The following NREP variants were observed in gnomAD, a reference collection of about 807,000 sequenced individuals.
NREP encodes the protein neuronal regeneration related protein, also known as neuronal regeneration-related protein.
A neutral mutation model predicts 8.6 loss-of-function variants in NREP; 5 were observed. The ratio of observed to expected loss-of-function variants is 0.58; its 90% CI spans 0.30 to 1.22. The LOEUF is 1.22. Ranked by LOEUF, NREP falls within the 50% of genes most tolerant of loss-of-function variation. The pLI is 0.07. For synonymous variants in NREP, 27 were observed against 28.0 expected (o/e 0.96, Z 0.11); for missense variants, 86 against 82.5 (o/e 1.04, Z -0.17).
chr5:111,882,339 T>C (rs987733051), intron 2 of NREP, among the ~76,000 whole-genome samples: 3 of 152,120 alleles, frequency 2.0e-5, no homozygotes, highest in African/African-American at 4.8e-5. Context: ...GTGAAAAGAC[T>C]GAATCTACGT....
intron 1 of NREP, chr5:111,756,304 A>G: frequency 1.1e-6 from 1 of 891,970 alleles, no homozygotes; most frequent in Non-Finnish European, 1.3e-6. Flanking sequence ...TTTAAAAAAA[A>G]AAAAAAAACC....
intron 2 of NREP, among the ~76,000 whole-genome samples, chr5:111,927,363 G>A (rs939651620): frequency 2.6e-5 from 4 of 152,058 alleles, no homozygotes; most frequent in Non-Finnish European, 1.5e-5. Context: ...ATCCAAAAAA[G>A]AATGACCAGT....
chr5:111,827,027 AATAG>A (rs1257172089), intron 2 of NREP, among the ~76,000 whole-genome samples: 4 of 152,210 alleles, frequency 2.6e-5, no homozygotes, highest in African/African-American at 9.7e-5. Context: ...AAAATTGGCA[AATAG>A]ATATTTTCTT....
chr5:111,950,522 GCAA>G (rs1756126145), intron 2 of NREP, among the ~76,000 whole-genome samples: 1 of 152,046 alleles, frequency 6.6e-6, no homozygotes, highest in African/African-American at 2.4e-5. Flanking sequence ...AAAAGCAATG[GCAA>G]CAAAGGCCAA....
At chr5:111,752,355 C>G (rs59770586) in intron 2 of NREP, among the ~76,000 whole-genome samples, 2 of 152,164 alleles carry the variant, frequency 1.3e-5, no homozygotes, top group African/African-American at 4.8e-5. Flanking sequence ...ATTCCCAATT[C>G]TCTCCCTCAC....
At chr5:111,952,351 C>T (rs887380731) in intron 2 of NREP, among the ~76,000 whole-genome samples, 2 of 152,100 alleles carry the variant, frequency 1.3e-5, no homozygotes, top group African/African-American at 4.8e-5. Flanking sequence ...GGGTGATGTT[C>T]CCTGTCAAGG....
At position 111,964,830 on chromosome 5, in the gene NREP, A is replaced by C. The variant is rs1266711582; in HGVS notation, c.135+10444T>G. Among the ~76,000 whole-genome samples the C allele has an allele frequency of 2.2e-5, 3 of 137,534 alleles. No homozygotes were observed. The East Asian group carries it at 7.1e-4, about 33-fold the overall frequency. The allele number at this position is 137,534 out of a possible 152,430, so 90.2% of individuals were successfully genotyped here. A position where few individuals can be genotyped will look rare whatever the true frequency, so the allele number is the denominator to read the frequency against. ...TTTCTAGGTTGTGGAAGGTGCACAT[A>C]GTCTACTTAGAATGCTTTCAGCAGC... is the stretch of plus-strand genomic sequence containing the variant. On this transcript the variant is annotated intron_variant, in intron 2 of 3. Coordinates refer to the NREP transcript ENST00000395634.
At chr5:111,944,914 A>T (rs1198958422) in intron 2 of NREP, among the ~76,000 whole-genome samples, 1 of 152,072 alleles carries the variant, frequency 6.6e-6, no homozygotes, top group Non-Finnish European at 1.5e-5. Flanking sequence ...TGTTTTAGTC[A>T]TAGGTGCTTA....
At chr5:111,794,721 T>TGAAAATA (rs1751836924) in intron 2 of NREP, among the ~76,000 whole-genome samples, 1 of 152,154 alleles carries the variant, frequency 6.6e-6, no homozygotes, top group South Asian at 2.1e-4. Context: ...TTTAGGACTG[T>TGAAAATA]GAAAATACTC....
At chr5:111,776,816 A>C (rs1466732797) in intron 2 of NREP, among the ~76,000 whole-genome samples, 1 of 152,200 alleles carries the variant, frequency 6.6e-6, no homozygotes, top group Non-Finnish European at 1.5e-5. Flanking sequence ...GACCATTCTA[A>C]AGTGATGGAA....
chr5:111,969,890 T>A (rs948067394), intron 2 of NREP, among the ~76,000 whole-genome samples: 1 of 152,168 alleles, frequency 6.6e-6, no homozygotes, highest in African/African-American at 2.4e-5. Flanking sequence ...TGGGGACTAG[T>A]GAAGGAAAGT....
At chr5:111,921,453 T>C (rs959618447) in intron 2 of NREP, among the ~76,000 whole-genome samples, 21 of 152,138 alleles carry the variant, frequency 1.4e-4, no homozygotes, top group Non-Finnish European at 2.9e-5. Flanking sequence ...TTACTCTCCC[T>C]GATTAGTTGA....
chr5:111,887,272 T>C (rs565856757), intron 2 of NREP, among the ~76,000 whole-genome samples: 1 of 152,324 alleles, frequency 6.6e-6, no homozygotes, highest in Admixed American at 6.5e-5. Flanking sequence ...TTGGTTTCTA[T>C]AGCAACTTTC....
Position 111,730,756 on chromosome 5 carries a change from G to C in NREP, c.*165C>G. 1 of 743,076 alleles carries C rather than the reference G, an allele frequency of 1.3e-6. No individual in the cohort carries two copies. The highest frequency in any genetic ancestry group is 2.1e-6 in the Non-Finnish European group (1 of 465,936). 46.0% of individuals were successfully genotyped at this position (743,076 alleles called of 1,614,324 possible). A position where few individuals can be genotyped will look rare whatever the true frequency, so the allele number is the denominator to read the frequency against. On this transcript the variant is annotated 3_prime_UTR_variant, in exon 4 of 4. Coordinates refer to ENST00000257435, the MANE Select transcript of NREP (RefSeq NM_004772.4). ...CTTGAGTCAGAATGATTAAAAACTG[G>C]TTTGATGACACCTATTTGTCCACTG...
upstream of NREP, among the ~76,000 whole-genome samples, chr5:111,762,430 G>A (rs184022911): frequency 6.0e-4 from 91 of 151,978 alleles, no homozygotes; most frequent in African/African-American, 2.1e-3. Context: ...TTCCTGTTAT[G>A]GGCTGAATTG....
chr5:111,900,185 C>A (rs1754608323), intron 2 of NREP, among the ~76,000 whole-genome samples: 1 of 151,724 alleles, frequency 6.6e-6, no homozygotes, highest in South Asian at 2.1e-4. Flanking sequence ...GCAACATGCT[C>A]ATGGGTCAAG....
intron 2 of NREP, among the ~76,000 whole-genome samples, chr5:111,832,327 G>A (rs4419629): frequency 0.013 from 2,031 of 152,152 alleles, 41 homozygotes; most frequent in African/African-American, 0.04. Context: ...GGACCAGCCT[G>A]GACAATATGG....
At chr5:111,964,107 G>A (rs528606155) in intron 2 of NREP, among the ~76,000 whole-genome samples, 5 of 152,128 alleles carry the variant, frequency 3.3e-5, no homozygotes, top group South Asian at 2.1e-4. Flanking sequence ...AGGGTAAATC[G>A]TTCTCTTATG....
intron 2 of NREP, among the ~76,000 whole-genome samples, chr5:111,902,032 C>T (rs1267700034): frequency 6.6e-6 from 1 of 152,090 alleles, no homozygotes; most frequent in Admixed American, 6.6e-5. Context: ...AGGCACCACA[C>T]TGTTAGACTT....
Sources: gnomAD v4.1 joint callset for allele counts (sites outside exome capture counted in the v4.1 genomes callset) on GRCh38, gnomAD v4.1.1 for gene constraint, MANE v1.5 for transcripts, NCBI Gene and HGNC (gene_info 2026-07-23, HGNC 2026-07-21) for gene names.